Variants in TMEM117 observed in about 807,000 individuals in gnomAD.
TMEM117 encodes the protein transmembrane protein 117.
Under a neutral mutation model 52.4 loss-of-function variants are expected in TMEM117, and 27 were observed. The ratio of observed to expected loss-of-function variants is 0.51; its 90% CI spans 0.38 to 0.71. The LOEUF (loss-of-function observed/expected upper bound fraction) is 0.71. Among genes scored for constraint, TMEM117 ranks in the 30% least tolerant of loss-of-function variants. TMEM117 has a pLI of 0.00. For synonymous variants in TMEM117, 215 were observed against 206.3 expected (o/e 1.04, Z -0.36); for missense variants, 556 against 630.5 (o/e 0.88, Z 1.26).
At chr12:44,335,836 CATTA>C (rs1447241149) in intron 6 of TMEM117, among the ~76,000 whole-genome samples, 3 of 152,082 alleles carry the variant, frequency 2.0e-5, no homozygotes, top group Admixed American at 6.6e-5. Flanking sequence ...CAGTAGAATA[CATTA>C]ATTGTCTTAT....
intron 3 of TMEM117, among the ~76,000 whole-genome samples, chr12:43,955,100 A>T (rs1945285927): frequency 6.6e-6 from 1 of 152,136 alleles, no homozygotes; most frequent in Admixed American, 6.5e-5. Flanking sequence ...CATGTTAAAA[A>T]CTCAATAAAC....
intron 6 of TMEM117, among the ~76,000 whole-genome samples, chr12:44,311,102 T>C (rs1280141511): frequency 6.6e-6 from 1 of 152,174 alleles, no homozygotes; most frequent in African/African-American, 2.4e-5. Context: ...ACTATATCAC[T>C]ACTGTTGTGT....
At chr12:43,974,754 G>C (rs927788388) in intron 3 of TMEM117, among the ~76,000 whole-genome samples, 15 of 151,990 alleles carry the variant, frequency 9.9e-5, no homozygotes, top group African/African-American at 3.6e-4. Context: ...CATGGAAATA[G>C]GCTTTTTTAC....
intron 4 of TMEM117, among the ~76,000 whole-genome samples, chr12:44,171,306 C>G (rs535020514): frequency 6.6e-6 from 1 of 152,198 alleles, no homozygotes; most frequent in African/African-American, 2.4e-5. Context: ...TGAGCCACCG[C>G]GCCCGGCCTT....
At chr12:43,805,904 G>T in the TMEM117 span, 4 of 1,485,172 alleles carry the variant, frequency 2.7e-6, no homozygotes, top group Non-Finnish European at 2.7e-6. Context: ...CCAAAAGGGG[G>T]AAAGTTGGGC....
chr12:44,196,258 CAAAT>C (rs1021018183), intron 4 of TMEM117, among the ~76,000 whole-genome samples: 1 of 151,506 alleles, frequency 6.6e-6, no homozygotes, highest in Non-Finnish European at 1.5e-5. Flanking sequence ...TATTAGGAAG[CAAAT>C]AAAGATATGA....
chr12:43,986,780 A>G lies in TMEM117; in HGVS notation c.410+42438A>G, dbSNP rs921375586. ...ATTCTGTCTTATCCTTCACCTTTCT[A>G]TTTCTCTGTGCATATTGATGTTATC... On this transcript the variant is annotated intron_variant, in intron 3 of 7. Transcript: ENST00000266534. 3.3e-5 allele frequency among the ~76,000 whole-genome samples: 5 copies of G among 151,776 alleles called. No individual in the cohort carries two copies. The East Asian group carries it at 7.7e-4, about 24-fold the overall frequency.
At chr12:43,942,995 G>A (rs1229655103) in intron 2 of TMEM117, among the ~76,000 whole-genome samples, 1 of 151,506 alleles carries the variant, frequency 6.6e-6, no homozygotes, top group Non-Finnish European at 1.5e-5. Context: ...TGGCCAACAC[G>A]GTGAAACCCC....
chr12:43,987,498 G>T (rs1410882266), intron 3 of TMEM117, among the ~76,000 whole-genome samples: 1 of 147,516 alleles, frequency 6.8e-6, no homozygotes. Context: ...ACATTGTCTT[G>T]TTTAGAATGT....
At chr12:43,863,988 C>T (rs939990806) in intron 2 of TMEM117, among the ~76,000 whole-genome samples, 3 of 152,194 alleles carry the variant, frequency 2.0e-5, no homozygotes, top group Non-Finnish European at 2.9e-5. Flanking sequence ...GCCCCACACT[C>T]GGAGCTGCCG....
chr12:44,208,734 T>G (rs1200690105), intron 4 of TMEM117, among the ~76,000 whole-genome samples: 10 of 149,036 alleles, frequency 6.7e-5, no homozygotes, highest in African/African-American at 2.2e-4. Flanking sequence ...TGTTTTTTTT[T>G]TTTTTTTTTT....
At chr12:44,213,009 C>T (rs1294323128) in intron 5 of TMEM117, among the ~76,000 whole-genome samples, 1 of 152,158 alleles carries the variant, frequency 6.6e-6, no homozygotes, top group South Asian at 2.1e-4. Flanking sequence ...TGTATTCACA[C>T]CTCATCTTCA....
At chr12:43,991,247 A>G (rs1353573386) in intron 3 of TMEM117, among the ~76,000 whole-genome samples, 2 of 152,194 alleles carry the variant, frequency 1.3e-5, no homozygotes, top group Non-Finnish European at 2.9e-5. Context: ...AGTCGTCGGA[A>G]TGTTAGTATT....
intron 3 of TMEM117, among the ~76,000 whole-genome samples, chr12:43,993,462 G>A (rs1945976805): frequency 6.6e-6 from 1 of 152,134 alleles, no homozygotes; most frequent in African/African-American, 2.4e-5. Flanking sequence ...ATAGATGTAA[G>A]CATTTCCTAA....
At chr12:44,290,794 G>A (rs1440767348) in intron 5 of TMEM117, among the ~76,000 whole-genome samples, 1 of 151,966 alleles carries the variant, frequency 6.6e-6, no homozygotes, top group Non-Finnish European at 1.5e-5. Context: ...TGCACCATCA[G>A]CCCCAGCTGG....
chr12:44,081,163 T>C (rs1243001630), intron 3 of TMEM117, among the ~76,000 whole-genome samples: 3 of 152,210 alleles, frequency 2.0e-5, no homozygotes, highest in Non-Finnish European at 2.9e-5. Context: ...AATAGATAAA[T>C]AAATTCACAC....
At chr12:44,018,790 G>C (rs540309336) in intron 3 of TMEM117, among the ~76,000 whole-genome samples, 4 of 150,736 alleles carry the variant, frequency 2.7e-5, no homozygotes, top group African/African-American at 9.8e-5. Context: ...CGCAATCTTG[G>C]CTCACTGCAA....
At chr12:44,379,169 G>T (rs1722044426) in intron 7 of TMEM117, among the ~76,000 whole-genome samples, 1 of 151,222 alleles carries the variant, frequency 6.6e-6, no homozygotes, top group Admixed American at 6.6e-5. Context: ...AAAGGAAGGA[G>T]GGAGGGAAGG....
chr12:44,118,028 A>G (rs1592532105), intron 3 of TMEM117, among the ~76,000 whole-genome samples: 1 of 151,610 alleles, frequency 6.6e-6, no homozygotes, highest in African/African-American at 2.4e-5. Context: ...ACACACCTTG[A>G]CTTCTTTATT....
Sources: allele counts gnomAD v4.1 joint callset (sites outside exome capture counted in the v4.1 genomes callset), GRCh38; gene constraint gnomAD v4.1.1; transcripts MANE v1.5; gene names NCBI Gene and HGNC (gene_info 2026-07-23, HGNC 2026-07-21).